Variants in RBFOX3 observed in about 807,000 individuals in gnomAD.
RBFOX3 encodes the protein RNA binding fox-1 homolog 3, also known as RNA binding protein fox-1 homolog 3.
Under a neutral mutation model 48.7 loss-of-function variants are expected in RBFOX3, and 17 were observed. The observed-to-expected ratio is 0.35, with a 90% CI of 0.24 to 0.52. RBFOX3 has a LOEUF of 0.52. RBFOX3 is among the 20% of genes least tolerant of loss of function. The pLI, the probability that RBFOX3 is intolerant of heterozygous loss-of-function variation, is 0.94. For synonymous variants in RBFOX3, 212 were observed against 209.5 expected, an observed-to-expected ratio of 1.01 and a Z score of -0.10; for missense variants, 382 against 497.5, an observed-to-expected ratio of 0.77 and a Z score of 2.21.
chr17:79,388,625 C>A (rs186313144), intron 2 of RBFOX3, among the ~76,000 whole-genome samples: 2 of 152,200 alleles, frequency 1.3e-5, no homozygotes, highest in African/African-American at 2.4e-5. Flanking sequence ...TGCACAGCTG[C>A]GGGCTGGATC....
intron 2 of RBFOX3, among the ~76,000 whole-genome samples, chr17:79,470,044 C>T (rs2076869243): frequency 6.6e-6 from 1 of 152,256 alleles, no homozygotes. Context: ...ACGTGTGGGG[C>T]CTCCTGCAGA....
At chr17:79,158,223 C>T (rs2046245698) in intron 4 of RBFOX3, among the ~76,000 whole-genome samples, 1 of 152,230 alleles carries the variant, frequency 6.6e-6, no homozygotes, top group African/African-American at 2.4e-5. Context: ...ACACCTGGAC[C>T]TCAAACTCCC....
At chr17:79,241,832 A>C (rs1035357553) in intron 3 of RBFOX3, among the ~76,000 whole-genome samples, 17 of 152,164 alleles carry the variant, frequency 1.1e-4, no homozygotes, top group African/African-American at 4.1e-4. Flanking sequence ...GCGTGAAAGC[A>C]GTCTCCCTGG....
At chr17:79,416,486 T>C (rs1265630636) in intron 2 of RBFOX3, among the ~76,000 whole-genome samples, 1 of 152,198 alleles carries the variant, frequency 6.6e-6, no homozygotes, top group East Asian at 1.9e-4. Context: ...CGCCCAATGG[T>C]TCCAGGATCC....
At chr17:79,464,273 C>T (rs932419086) in intron 2 of RBFOX3, among the ~76,000 whole-genome samples, 2 of 152,250 alleles carry the variant, frequency 1.3e-5, no homozygotes, top group African/African-American at 2.4e-5. Flanking sequence ...CTTCTTCCAA[C>T]GGACAGAGAA....
intron 4 of RBFOX3, among the ~76,000 whole-genome samples, chr17:79,118,312 G>A (rs750881668): frequency 6.6e-6 from 1 of 152,176 alleles, no homozygotes; most frequent in African/African-American, 2.4e-5. Context: ...AAGCACACAC[G>A]TGTGCATGCG....
In RBFOX3 at chr17:79,212,757, C is replaced by T. The variant is rs1034622213; in HGVS notation, c.-34+23009G>A. ...GAGAAAAGCAGGCTGTGGGGAGGGG[C>T]GGGGAATGGGAGAAAGTGCCTGGCT... On this transcript the variant is annotated intron_variant, in intron 4 of 14. Coordinates refer to ENST00000693108, the MANE Select transcript of RBFOX3 (RefSeq NM_001350451.2). The surrounding 1 kb of genome is among the most constrained non-coding windows in gnomAD (Gnocchi z 4.7). Among the ~76,000 whole-genome samples, 3 of 152,040 alleles carry T rather than the reference C, an allele frequency of 2.0e-5. No homozygotes were observed. The highest frequency in any genetic ancestry group is 4.4e-5 in the Non-Finnish European group (3 of 68,010).
upstream of RBFOX3, among the ~76,000 whole-genome samples, chr17:79,612,533 G>C (rs1446802612): frequency 2.0e-5 from 3 of 152,194 alleles, no homozygotes; most frequent in Admixed American, 2.0e-4. Flanking sequence ...CCACTTATGA[G>C]CGTCATGCTT....
chr17:79,369,804 G>C (rs564832192), intron 2 of RBFOX3, among the ~76,000 whole-genome samples: 1 of 152,300 alleles, frequency 6.6e-6, no homozygotes, highest in Admixed American at 6.5e-5. Context: ...CGCCCTGATG[G>C]ATGGAGATTT....
chr17:79,508,359 T>C (rs1174872962), intron 1 of RBFOX3, among the ~76,000 whole-genome samples: 35 of 152,154 alleles, frequency 2.3e-4, no homozygotes, highest in Admixed American at 2.2e-3. Context: ...TTTGCCAACA[T>C]TGGGGGCGTC....
intron 2 of RBFOX3, among the ~76,000 whole-genome samples, chr17:79,403,254 T>G (rs1214666235): frequency 6.6e-6 from 1 of 152,122 alleles, no homozygotes; most frequent in Non-Finnish European, 1.5e-5. Context: ...TGGTCGCCCT[T>G]TAGCTTGCCA....
chr17:79,298,272 A>G (rs2074728141), intron 3 of RBFOX3: 1 of 152,220 alleles, frequency 6.6e-6, no homozygotes, highest in Admixed American at 6.5e-5. Flanking sequence ...GTGGGGGACA[A>G]AAGTAAATTG....
At position 79,112,579 on chromosome 17, in the gene RBFOX3, C is replaced by T. The variant is rs372291698; in HGVS notation, c.222+2915G>A. On this transcript the variant is annotated intron_variant, in intron 5 of 14. Transcript: ENST00000693108. ...TGCAGGGGCCACTGCTCTCTCCCAT[C>T]GACGCCATCAGCCCCAGGTCCTAGA... is the stretch of plus-strand genomic sequence containing the variant. Among the ~76,000 whole-genome samples, 21 of 152,246 alleles carry T rather than the reference C, an allele frequency of 1.4e-4. No homozygotes were observed. In the East Asian group the frequency reaches 3.7e-3, roughly 27 times the overall value.
At chr17:79,614,635 T>A (rs2093987210), upstream of RBFOX3, among the ~76,000 whole-genome samples, 1 of 152,032 alleles carries the variant, frequency 6.6e-6, no homozygotes, top group African/African-American at 2.4e-5. Context: ...GTATTTAATA[T>A]CCTCCCAGAG....
chr17:79,468,609 T>C (rs111647975), intron 2 of RBFOX3, among the ~76,000 whole-genome samples: 7 of 148,974 alleles, frequency 4.7e-5, no homozygotes, highest in African/African-American at 1.7e-4. Context: ...GATGGATAGA[T>C]AGATAGCAGA....
chr17:79,173,272 T>G (rs9900690), intron 4 of RBFOX3, among the ~76,000 whole-genome samples: 45,633 of 148,548 alleles, frequency 0.31, 7,332 homozygotes, highest in East Asian at 0.42. Context: ...AACTTCCCTG[T>G]GACAAGCACT....
chr17:79,611,164 C>CTCTCTCTCTCTCTCTCTCTCTT (rs2093963382), upstream of RBFOX3, among the ~76,000 whole-genome samples: 1 of 36,792 alleles, frequency 2.7e-5, no homozygotes, highest in Non-Finnish European at 6.2e-5. Context: ...CTCTCTCTCT[C>CTCTCTCTCTCTCTCTCTCTCTT]TCTCTCTCTC....
intron 3 of RBFOX3, among the ~76,000 whole-genome samples, chr17:79,245,300 G>A (rs2148115970): frequency 6.6e-6 from 1 of 152,106 alleles, no homozygotes. Flanking sequence ...CACACTAGAG[G>A]GACCTAGAGG....
chr17:79,553,377 C>G (rs1330584651), intron 1 of RBFOX3, among the ~76,000 whole-genome samples: 1 of 152,138 alleles, frequency 6.6e-6, no homozygotes, highest in Non-Finnish European at 1.5e-5. Flanking sequence ...ATTTGGTAAT[C>G]TGTTATTTAA....
Sources: gnomAD v4.1 joint callset for allele counts (sites outside exome capture counted in the v4.1 genomes callset) on GRCh38, gnomAD v4.1.1 for gene constraint, Gnocchi (gnomAD v3.1) non-coding constraint, MANE v1.5 for transcripts, NCBI Gene and HGNC (gene_info 2026-07-23, HGNC 2026-07-21) for gene names.